The following EPB41L4A variants were observed in gnomAD, a reference collection of about 807,000 sequenced individuals.
EPB41L4A encodes the protein band 4.1-like protein 4A.
A neutral mutation model predicts 108.6 loss-of-function variants in EPB41L4A; 100 were observed. The ratio of observed to expected loss-of-function variants is 0.92; its 90% CI spans 0.78 to 1.09. The LOEUF is 1.09. Among genes scored for constraint, EPB41L4A ranks in the 50% least tolerant of loss-of-function variants. The pLI, the probability that EPB41L4A is intolerant of heterozygous loss-of-function variation, is 0.00. For missense variants in EPB41L4A, 1,030 were observed against 842.7 expected (o/e 1.22, Z -2.75); for synonymous variants, 319 against 289.0 (o/e 1.10, Z -1.05).
In EPB41L4A at chr5:112,281,986, T is replaced by C. The variant is rs1399381325; in HGVS notation, c.205-1663A>G. 4.6e-5 allele frequency among the ~76,000 whole-genome samples: 7 copies of C among 152,256 alleles called. No homozygotes were observed. The East Asian group carries it at 7.7e-4, about 17-fold the overall frequency. On this transcript the variant is annotated intron_variant, in intron 2 of 22. Transcript: ENST00000261486. ...AAGTAGAGTAACCAACATATCTAAG[T>C]GTAGCAACTAAAAACTAAAAATAAA...
chr5:112,345,826 CACAT>C (rs1561591506), intron 1 of EPB41L4A, among the ~76,000 whole-genome samples: 3 of 149,772 alleles, frequency 2.0e-5, no homozygotes, highest in African/African-American at 7.4e-5. Flanking sequence ...CACACACGCA[CACAT>C]AAAGCCCCAG....
At chr5:112,271,009 C>T (rs1341585033) in intron 4 of EPB41L4A, among the ~76,000 whole-genome samples, 2 of 152,152 alleles carry the variant, frequency 1.3e-5, no homozygotes, top group Non-Finnish European at 2.9e-5. Flanking sequence ...TCAGATAGGG[C>T]TGTCAGCAAG....
chr5:112,202,234 T>C (rs1409806682), intron 15 of EPB41L4A, among the ~76,000 whole-genome samples: 2 of 152,142 alleles, frequency 1.3e-5, no homozygotes, highest in African/African-American at 2.4e-5. Flanking sequence ...CTGTCTAGCA[T>C]CCATCACGGT....
rs1258762626 is a variant in EPB41L4A at position 112,300,075 on chromosome 5, T to C, written c.204+7311A>G. On this transcript the variant is annotated intron_variant, in intron 2 of 22. Transcript: ENST00000261486. ...GAGTCTCTTGAAGGCAGCAGATACC[T>C]GGTTGGTGAATTCTTATCCATTCTG... 5.9e-5 allele frequency among the ~76,000 whole-genome samples: 9 copies of C among 152,316 alleles called. No homozygotes were observed. In the East Asian group the frequency reaches 1.7e-3, roughly 29 times the overall value.
At chr5:112,212,975 CAG>C (rs1328151105) in intron 12 of EPB41L4A, among the ~76,000 whole-genome samples, 4 of 152,210 alleles carry the variant, frequency 2.6e-5, no homozygotes, top group South Asian at 2.1e-4. Flanking sequence ...CAGAGAAAAA[CAG>C]AATATTTTTA....
intron 18 of EPB41L4A, among the ~76,000 whole-genome samples, chr5:112,180,445 C>T (rs1270023376): frequency 6.6e-6 from 1 of 151,932 alleles, no homozygotes; most frequent in East Asian, 1.9e-4. Flanking sequence ...CAACAAAGGC[C>T]ACAAGGCATT....
In EPB41L4A at chr5:112,145,803, C is replaced by A. The variant is rs778336000; in HGVS notation, n.1112+78G>T. ...TTAAAGAAAAAGGCCAAGAACAACCCTAGACACATTCCTCCATTTGATATC... is the reference window on the plus strand; with the variant it reads ...TTAAAGAAAAAGGCCAAGAACAACCATAGACACATTCCTCCATTTGATATC... On this transcript the variant is annotated intron_variant and non_coding_transcript_variant, in intron 13 of 13. Coordinates refer to the EPB41L4A transcript ENST00000507810. The A allele has an allele frequency of 1.9e-5, 8 of 411,442 alleles. No homozygotes were observed. The Middle Eastern group carries it at 3.1e-3, about 161-fold the overall frequency. The allele number at this position is 411,442 out of a possible 1,614,324, so 25.5% of individuals were successfully genotyped here.
intron 17 of EPB41L4A, among the ~76,000 whole-genome samples, chr5:112,188,897 C>A (rs1044500768): frequency 6.6e-6 from 1 of 152,180 alleles, no homozygotes; most frequent in South Asian, 2.1e-4. Flanking sequence ...CAAAATCCTA[C>A]CAAAATTGTG....
intron 18 of EPB41L4A, 35 bp from the exon 19 acceptor site, chr5:112,171,027 A>C (rs1377190882): frequency 6.3e-7 from 1 of 1,576,610 alleles, no homozygotes; most frequent in Non-Finnish European, 8.7e-7. Flanking sequence ...ATCTCTGCAA[A>C]CATGCTTCAT....
intron 12 of EPB41L4A, among the ~76,000 whole-genome samples, chr5:112,221,657 A>G (rs1204210868): frequency 6.6e-6 from 1 of 152,194 alleles, no homozygotes. Flanking sequence ...GCCAAGCTTT[A>G]TTCCATTTTC....
chr5:112,336,291 A>C (rs1420288685), intron 1 of EPB41L4A, among the ~76,000 whole-genome samples: 1 of 152,212 alleles, frequency 6.6e-6, no homozygotes, highest in Non-Finnish European at 1.5e-5. Context: ...TTGTTTGAGA[A>C]AGTGCAGGTC....
rs545200677 is a variant in EPB41L4A at position 112,240,525 on chromosome 5, C to T, written c.887+194G>A. Among the ~76,000 whole-genome samples the T allele has an allele frequency of 1.2e-4, 18 of 151,964 alleles. No homozygotes were observed. The East Asian group carries it at 3.3e-3, about 28-fold the overall frequency. On this transcript the variant is annotated intron_variant, in intron 10 of 22. Coordinates refer to ENST00000261486, the MANE Select transcript of EPB41L4A (RefSeq NM_022140.5). ...ATAACTGTATCTATGTGTATAAGTG[C>T]CTATGTGTATATATATCTACACATA...
At chr5:112,228,639 T>C (rs1748643151) in intron 12 of EPB41L4A, 1 of 907,880 alleles carries the variant, frequency 1.1e-6, no homozygotes, top group Non-Finnish European at 1.3e-6. Flanking sequence ...TTATGAATTA[T>C]ATCCAAATAT....
intron 1 of EPB41L4A, among the ~76,000 whole-genome samples, chr5:112,339,545 T>TTC (rs1757173738): frequency 1.5e-5 from 2 of 137,396 alleles, no homozygotes; most frequent in Admixed American, 7.4e-5. Context: ...TATATATATT[T>TTC]TTTTTTTAGA....
At chr5:112,243,026 C>G (rs1452483299) in intron 9 of EPB41L4A, among the ~76,000 whole-genome samples, 1 of 151,974 alleles carries the variant, frequency 6.6e-6, no homozygotes, top group Non-Finnish European at 1.5e-5. Context: ...CCAGCCTGGC[C>G]AACATGGCGA....
intron 12 of EPB41L4A, among the ~76,000 whole-genome samples, chr5:112,220,115 T>C (rs759793596): frequency 6.6e-6 from 1 of 152,254 alleles, no homozygotes; most frequent in African/African-American, 2.4e-5. Flanking sequence ...AACAAGTCTA[T>C]TCCTACTTTT....
At chr5:112,415,624 G>C (rs190769230) in intron 1 of EPB41L4A, among the ~76,000 whole-genome samples, 1 of 152,092 alleles carries the variant, frequency 6.6e-6, no homozygotes, top group African/African-American at 2.4e-5. Flanking sequence ...AGAACAAAAA[G>C]AAAGTTATCT....
intron 10 of EPB41L4A, 21 bp downstream of exon 10, chr5:112,240,698 A>G: frequency 1.4e-6 from 2 of 1,416,808 alleles, no homozygotes; most frequent in Non-Finnish European, 1.9e-6. Context: ...GACAACAAAC[A>G]AAATTTTTAC....
intron 17 of EPB41L4A, among the ~76,000 whole-genome samples, chr5:112,190,655 TG>T (rs1360607845): frequency 6.6e-6 from 1 of 152,228 alleles, no homozygotes; most frequent in Non-Finnish European, 1.5e-5. Flanking sequence ...ACATTTCATT[TG>T]ATCTTTACAG....
Sources: gnomAD v4.1 joint callset for allele counts (sites outside exome capture counted in the v4.1 genomes callset) on GRCh38, gnomAD v4.1.1 for gene constraint, MANE v1.5 for transcripts, NCBI Gene and HGNC (gene_info 2026-07-23, HGNC 2026-07-21) for gene names.